The following DCDC1 variants were observed in gnomAD, a reference collection of about 807,000 sequenced individuals.
DCDC1 encodes doublecortin domain-containing protein 1.
DCDC1 carries 200 observed loss-of-function variants against 178.3 expected under a neutral mutation model. The observed-to-expected ratio is 1.12, with a 90% CI of 1.00 to 1.26. The LOEUF (loss-of-function observed/expected upper bound fraction) is 1.26. Among genes scored for constraint, DCDC1 ranks in the 50% most tolerant of loss-of-function variants. The pLI, the probability that DCDC1 is intolerant of heterozygous loss-of-function variation, is 0.00. For synonymous variants in DCDC1, 690 were observed against 604.8 expected, an observed-to-expected ratio of 1.14 and a Z score of -2.07; for missense variants, 1,983 against 1,749.2, an observed-to-expected ratio of 1.13 and a Z score of -2.38.
chr11:31,353,489 C>A (rs1268278516), intron 1 of DCDC1, among the ~76,000 whole-genome samples: 2 of 152,150 alleles, frequency 1.3e-5, no homozygotes, highest in Non-Finnish European at 1.5e-5. Context: ...AAACACAAAG[C>A]ATTTATTACC....
At chr11:30,981,120 T>C (rs540184473) in intron 20 of DCDC1, among the ~76,000 whole-genome samples, 47 of 152,188 alleles carry the variant, frequency 3.1e-4, no homozygotes, top group African/African-American at 1.1e-3. Flanking sequence ...TTCTTACTTG[T>C]AAGTGGGAGC....
chr11:30,888,078 G>GAAAGAAAGAAAGAAAGAAAGAAAAAGAA (rs1269227171), intron 36 of DCDC1, among the ~76,000 whole-genome samples: 3 of 97,798 alleles, frequency 3.1e-5, no homozygotes, highest in Admixed American at 1.4e-4. Context: ...GAGAGAGAGA[G>GAAAGAAAGAAAGAAAGAAAGAAAAAGAA]AGAGAGAAAG....
intron 23 of DCDC1, among the ~76,000 whole-genome samples, chr11:30,924,710 G>T (rs1946487561): frequency 6.6e-6 from 1 of 152,100 alleles, no homozygotes. Context: ...AAATTACAAA[G>T]GATTAACAAT....
At chr11:31,331,620 T>C (rs1042480177) in intron 2 of DCDC1, among the ~76,000 whole-genome samples, 1 of 152,224 alleles carries the variant, frequency 6.6e-6, no homozygotes, top group African/African-American at 2.4e-5. Flanking sequence ...AGGCCTTTTC[T>C]GCATCTATTG....
chr11:31,245,371 G>A (rs1427747165), intron 8 of DCDC1, among the ~76,000 whole-genome samples: 1 of 151,580 alleles, frequency 6.6e-6, no homozygotes, highest in Non-Finnish European at 1.5e-5. Flanking sequence ...CAGATATACT[G>A]TAGACAGTCT....
chr11:31,201,704 A>G (rs1216185304), intron 9 of DCDC1, among the ~76,000 whole-genome samples: 1 of 152,154 alleles, frequency 6.6e-6, no homozygotes, highest in African/African-American at 2.4e-5. Context: ...GAAGTGTTAA[A>G]TCAGAAAGGG....
chr11:31,279,085 C>T (rs1946214664), intron 7 of DCDC1, among the ~76,000 whole-genome samples: 1 of 152,080 alleles, frequency 6.6e-6, no homozygotes, highest in African/African-American at 2.4e-5. Flanking sequence ...GTTTCCAGTC[C>T]ATGAACATGG....
chr11:31,043,502 T>A (rs1194327284), intron 20 of DCDC1, among the ~76,000 whole-genome samples: 1 of 151,778 alleles, frequency 6.6e-6, no homozygotes, highest in East Asian at 1.9e-4. Flanking sequence ...CCTAATGGAT[T>A]TTTTTTTTCA....
chr11:30,986,139 C>T (rs1161784259), intron 20 of DCDC1, among the ~76,000 whole-genome samples: 7 of 151,946 alleles, frequency 4.6e-5, no homozygotes, highest in East Asian at 1.9e-4. Flanking sequence ...CTCTACTATT[C>T]TTACATCTTT....
chr11:31,360,540 T>A (rs1055403243), intron 1 of DCDC1, among the ~76,000 whole-genome samples: 3 of 152,166 alleles, frequency 2.0e-5, no homozygotes, highest in Non-Finnish European at 2.9e-5. Context: ...AAATAACTAA[T>A]AATAAAATAG....
intron 9 of DCDC1, among the ~76,000 whole-genome samples, chr11:31,151,617 T>A (rs774383544): frequency 5.9e-5 from 9 of 152,170 alleles, no homozygotes; most frequent in Non-Finnish European, 1.2e-4. Flanking sequence ...TACTCAGAGG[T>A]GCTGTTAACA....
intron 3 of DCDC1, chr11:31,312,845 T>G (rs532493314): frequency 6.6e-6 from 1 of 152,030 alleles, no homozygotes; most frequent in African/African-American, 2.4e-5. Context: ...TGTACATATA[T>G]AATATATAAA....
In DCDC1 at chr11:31,033,305, T is replaced by C. The variant is rs190656580; in HGVS notation, c.2591+31164A>G. Among the ~76,000 whole-genome samples the C allele has an allele frequency of 2.4e-3, 370 of 152,218 alleles. 1 individual carries two copies. The highest frequency in any genetic ancestry group is 0.01 in the Middle Eastern group (3 of 294). On this transcript the variant is annotated intron_variant, in intron 20 of 38. Transcript: ENST00000684477. The stretch of plus-strand genomic sequence containing the variant: ...ATACACACACATACACACACACATA[T>C]AATTACATATATATTTATTTATATA...
At chr11:30,886,502 T>C (rs273579) in intron 36 of DCDC1, among the ~76,000 whole-genome samples, 104,027 of 152,026 alleles carry the variant, frequency 0.68, 35,955 homozygotes, top group Middle Eastern at 0.8. Flanking sequence ...AGATTCAGTT[T>C]CTGGTGAGGA....
chr11:30,935,513 T>C (rs564490010), intron 21 of DCDC1, among the ~76,000 whole-genome samples: 1 of 152,306 alleles, frequency 6.6e-6, no homozygotes, highest in East Asian at 1.9e-4. Flanking sequence ...CCAGCCATAT[T>C]AACTTCCAGA....
Position 30,878,583 on chromosome 11 carries a change from G to A in DCDC1, c.*1C>T, listed in dbSNP as rs1055283875. 5.6e-6 allele frequency: 9 copies of A among 1,597,034 alleles called. No homozygotes were observed. The highest frequency in any genetic ancestry group is 3.6e-5 in the Admixed American group (2 of 55,482). On this transcript the variant is annotated 3_prime_UTR_variant, in exon 38 of 39. Transcript: ENST00000684477. Reference sequence around the variant, plus strand: ...AGAAAATCCGATGGTTCTGATAGGAGTTAATTGTGGAGATGTGCCAGAGAC... The same window carrying A: ...AGAAAATCCGATGGTTCTGATAGGAATTAATTGTGGAGATGTGCCAGAGAC...
At chr11:30,916,148 A>T (rs1945819708) in intron 26 of DCDC1, among the ~76,000 whole-genome samples, 1 of 152,216 alleles carries the variant, frequency 6.6e-6, no homozygotes, top group South Asian at 2.1e-4. Context: ...ACAGAACACC[A>T]TTCTCCAAGT....
In DCDC1 at chr11:30,925,424, C is replaced by T. The variant is rs2134272913; in HGVS notation, c.2898-16G>A. On this transcript the variant is annotated splice_polypyrimidine_tract_variant and intron_variant, in intron 22 of 38. Transcript: ENST00000684477. Reference sequence around the variant, plus strand: ...CTCAGTGCACCTGTAATAAAAGACACAAAAATTGACCTTGCATACAGAAAG... The same window carrying T: ...CTCAGTGCACCTGTAATAAAAGACATAAAAATTGACCTTGCATACAGAAAG... 2 of 1,608,924 alleles carry T rather than the reference C, an allele frequency of 1.2e-6. No individual in the cohort carries two copies. Among genetic ancestry groups the T allele is most frequent in the Non-Finnish European group, 1.7e-6 (2 of 1,176,762 alleles).
chr11:31,004,355 T>G (rs1951725837), intron 20 of DCDC1, among the ~76,000 whole-genome samples: 1 of 151,972 alleles, frequency 6.6e-6, no homozygotes, highest in African/African-American at 2.4e-5. Context: ...AAAGCTGGCT[T>G]GCTGTCCCTC....
Sources: gnomAD v4.1 joint callset for allele counts (sites outside exome capture counted in the v4.1 genomes callset) on GRCh38, gnomAD v4.1.1 for gene constraint, MANE v1.5 for transcripts, NCBI Gene and HGNC (gene_info 2026-07-23, HGNC 2026-07-21) for gene names.